The following UGT1A5 variants were observed in gnomAD, a reference collection of about 807,000 sequenced individuals.
UGT1A5 encodes the protein UDP glucuronosyltransferase family 1 member A5.
A neutral mutation model predicts 40.3 loss-of-function variants in UGT1A5; 29 were observed. That is an observed-to-expected ratio of 0.72 (90% confidence interval 0.54 to 0.98). UGT1A5 has a LOEUF of 0.98. Among genes scored for constraint, UGT1A5 ranks in the 50% least tolerant of loss-of-function variants. The probability of loss-of-function intolerance (pLI) is 0.00; values close to 1 mark genes in which losing one functional copy is unlikely to be tolerated. For synonymous variants in UGT1A5, 257 were observed against 262.5 expected, an observed-to-expected ratio of 0.98 and a Z score of 0.20; for missense variants, 678 against 677.9, an observed-to-expected ratio of 1.00 and a Z score of 0.00.
Position 233,715,341 on chromosome 2 carries a change from TAGGTTTG to T in UGT1A5, c.867+1493_867+1499del, listed in dbSNP as rs563425877. On this transcript the variant is annotated intron_variant, in intron 1 of 4. Coordinates refer to ENST00000373414, the MANE Select transcript of UGT1A5 (RefSeq NM_019078.2). ...TACATAGTGATTAGATTGGTGCATGTAGGTTTGAGGTTTGAGACTTATATTTTCTTCA... is the reference window on the plus strand; with the variant it reads ...TACATAGTGATTAGATTGGTGCATGTAGGTTTGAGACTTATATTTTCTTCA... 4.5e-3 allele frequency among the ~76,000 whole-genome samples: 684 copies of T among 152,178 alleles called. 4 individuals are homozygous for T. Among genetic ancestry groups the T allele is most frequent in the African/African-American group, 0.016 (645 of 41,522 alleles).
At chr2:233,729,878 A>G in intron 1 of UGT1A5, 3 of 1,613,834 alleles carry the variant, frequency 1.9e-6, no homozygotes, top group Non-Finnish European at 1.7e-6. Context: ...ATTCTCAGTC[A>G]TGCATCTGTG....
chr2:233,745,955 G>T (rs1353220886), intron 1 of UGT1A5, among the ~76,000 whole-genome samples: 1 of 151,634 alleles, frequency 6.6e-6, no homozygotes, highest in Non-Finnish European at 1.5e-5. Flanking sequence ...GGCAACTGGG[G>T]GACAGGGGCC....
chr2:233,743,310 G>T, intron 1 of UGT1A5: 2 of 644,780 alleles, frequency 3.1e-6, no homozygotes, highest in Non-Finnish European at 5.0e-6. Context: ...TCTTGGTGGT[G>T]ATTTTTTTAC....
intron 1 of UGT1A5, chr2:233,717,933 C>G (rs1291638517): frequency 2.2e-6 from 1 of 454,480 alleles, no homozygotes; most frequent in Non-Finnish European, 4.4e-6. Context: ...ATACTTCAGT[C>G]TCTATGCAGA....
chr2:233,745,429 A>G (rs1003194784), intron 1 of UGT1A5, among the ~76,000 whole-genome samples: 4 of 151,698 alleles, frequency 2.6e-5, no homozygotes, highest in African/African-American at 4.9e-5. Flanking sequence ...ATAAATTGTG[A>G]GGCAATACAC....
intron 1 of UGT1A5, chr2:233,747,107 A>T: frequency 1.4e-6 from 2 of 1,386,060 alleles, no homozygotes; most frequent in Admixed American, 4.1e-5. Flanking sequence ...TTCCAATTAC[A>T]TGATGATTTG....
chr2:233,718,962 T>G (rs2011425), intron 1 of UGT1A5: 152,197 of 1,614,090 alleles, frequency 0.094, 8,216 homozygotes, highest in South Asian at 0.19. Context: ...GCGGGAGGCC[T>G]TGCGGGAGCT....
intron 1 of UGT1A5, among the ~76,000 whole-genome samples, chr2:233,728,059 C>T (rs2077678124): frequency 1.3e-5 from 2 of 152,228 alleles, no homozygotes; most frequent in South Asian, 2.1e-4. Context: ...GGCTTGAGGC[C>T]CTTGTGAGTG....
In UGT1A5 at chr2:233,718,987, A is replaced by G. The variant is rs1226240136; in HGVS notation, c.867+5129A>G. On this transcript the variant is annotated intron_variant, in intron 1 of 4. Transcript: ENST00000373414. ...TTGCGGGAGCTCCATGCCAGAGGCC[A>G]CCAGGCGGTGGTCCTCACCCCAGAG... 6.2e-7 allele frequency: 1 copy of G among 1,614,246 alleles called. No individual in the cohort carries two copies. Among genetic ancestry groups the G allele is most frequent in the East Asian group, 2.2e-5 (1 of 44,884 alleles).
At chr2:233,736,140 G>A (rs1255229589) in intron 1 of UGT1A5, among the ~76,000 whole-genome samples, 1 of 152,150 alleles carries the variant, frequency 6.6e-6, no homozygotes, top group Non-Finnish European at 1.5e-5. Flanking sequence ...ATCACTTTCA[G>A]GTACACCAGT....
intron 1 of UGT1A5, chr2:233,719,070 T>A (rs144655870): frequency 6.2e-7 from 1 of 1,614,284 alleles, no homozygotes; most frequent in East Asian, 2.2e-5. Context: ...TGCTGTTCCA[T>A]GGACCCAGAA....
intron 1 of UGT1A5, chr2:233,743,596 C>T (rs925952692): frequency 1.5e-6 from 2 of 1,367,220 alleles, no homozygotes; most frequent in Admixed American, 1.9e-5. Flanking sequence ...AGAATGGGTC[C>T]TGGCCGCCGA....
intron 1 of UGT1A5, among the ~76,000 whole-genome samples, chr2:233,735,640 G>A (rs879325223): frequency 3.9e-5 from 6 of 152,140 alleles, no homozygotes; most frequent in Admixed American, 3.9e-4. Flanking sequence ...TTTTTGCAGT[G>A]GCTGGTACTG....
intron 1 of UGT1A5, among the ~76,000 whole-genome samples, chr2:233,730,779 G>A (rs1359595919): frequency 1.3e-5 from 2 of 152,152 alleles, no homozygotes; most frequent in African/African-American, 4.8e-5. Context: ...GCCCAGTGAA[G>A]CTGGGGACAG....
In UGT1A5 at chr2:233,747,740, TC is replaced by T. The variant is rs1007845310; in HGVS notation, c.868-19292del. On this transcript the variant is annotated intron_variant, in intron 1 of 4. Coordinates refer to ENST00000373414, the MANE Select transcript of UGT1A5 (RefSeq NM_019078.2). The stretch of plus-strand genomic sequence containing the variant: ...CTGCTGTGTTTTTTTTGAGGAACAT[TC>T]CATGTGATTTAGACTTTAAGGGCAC... 68 of 1,613,430 alleles carry T rather than the reference TC, an allele frequency of 4.2e-5. No individual in the cohort carries two copies. In the Admixed American group the frequency reaches 1.1e-3, roughly 27 times the overall value.
intron 1 of UGT1A5, chr2:233,719,275 A>T: frequency 6.2e-7 from 1 of 1,613,870 alleles, no homozygotes; most frequent in South Asian, 1.1e-5. Flanking sequence ...GTTTTAACAG[A>T]CCCCGTTAAC....
intron 1 of UGT1A5, among the ~76,000 whole-genome samples, chr2:233,756,540 G>A (rs1404409517): frequency 2.0e-5 from 3 of 152,048 alleles, no homozygotes; most frequent in African/African-American, 7.2e-5. Flanking sequence ...TTTCTTGACT[G>A]CTAAAACAAC....
intron 1 of UGT1A5, among the ~76,000 whole-genome samples, chr2:233,734,963 T>C (rs1419315489): frequency 6.6e-6 from 1 of 152,234 alleles, no homozygotes; most frequent in Admixed American, 6.5e-5. Context: ...ATAAGTGTGA[T>C]GTGGTGCTGA....
rs773195449 is a variant in UGT1A5, at chr2:233,767,876, C to T, written c.1027C>T (p.Pro343Ser). 2 of 1,614,178 alleles carry T rather than the reference C, an allele frequency of 1.2e-6. No homozygotes were observed. The highest frequency in any genetic ancestry group is 3.3e-5 in the Admixed American group (2 of 60,012). ...CCTGTGGCGGTACACTGGAACCCGACCATCGAATCTTGCGAACAACACGAT... is the reference window on the plus strand; with the variant it reads ...CCTGTGGCGGTACACTGGAACCCGATCATCGAATCTTGCGAACAACACGAT... The part of the protein sequence containing the change: ...TVLWRYTGTR[P>S]SNLANNTILV... Residue 343 changes from proline (P) to serine (S), a missense_variant, in exon 3 of 5, where the codon CCA (proline) becomes TCA (serine). By Grantham distance (74) the Pro-to-Ser change is moderately conservative. Coordinates refer to ENST00000373414, the MANE Select transcript of UGT1A5 (RefSeq NM_019078.2).
Sources: allele counts gnomAD v4.1 joint callset (sites outside exome capture counted in the v4.1 genomes callset), GRCh38; gene constraint gnomAD v4.1.1; transcripts MANE v1.5; gene names NCBI Gene and HGNC (gene_info 2026-07-23, HGNC 2026-07-21).